Variants in PSG11 observed in about 807,000 individuals in gnomAD.
The protein encoded by PSG11 is pregnancy-specific beta-1-glycoprotein 11.
In PSG11, 42 loss-of-function variants were observed where a neutral mutation model predicts 36.0. The ratio of observed to expected loss-of-function variants is 1.17; its 90% confidence interval spans 0.91 to 1.51. The LOEUF (loss-of-function observed/expected upper bound fraction) is 1.51. Among genes scored for constraint, PSG11 ranks in the 40% most tolerant of loss-of-function variants. The probability of loss-of-function intolerance (pLI) is 0.00; values close to 1 mark genes in which losing one functional copy is unlikely to be tolerated. For synonymous variants in PSG11, 206 were observed against 153.5 expected, an observed-to-expected ratio of 1.34 and a Z score of -2.53; for missense variants, 558 against 403.5, an observed-to-expected ratio of 1.38 and a Z score of -3.28.
chr19:43,018,460 A>C, intron 3 of PSG11: 2 of 542,306 alleles, frequency 3.7e-6, no homozygotes, highest in Non-Finnish European at 6.3e-6. Flanking sequence ...CCTGTGAGCC[A>C]AGTCGCAAGA....
intron 5 of PSG11, among the ~76,000 whole-genome samples, chr19:43,009,436 T>C (rs983059441): frequency 2.6e-5 from 4 of 151,272 alleles, no homozygotes; most frequent in Non-Finnish European, 5.9e-5. Flanking sequence ...GGAATTATAC[T>C]AGGAAGTAGA....
chr19:43,021,611 G>C (rs1167968614), intron 2 of PSG11, among the ~76,000 whole-genome samples: 1 of 151,410 alleles, frequency 6.6e-6, no homozygotes, highest in African/African-American at 2.4e-5. Context: ...CTCCCAAAGT[G>C]CTGCGATTAT....
At chr19:43,012,215 A>T (rs118158115) in intron 4 of PSG11, among the ~76,000 whole-genome samples, 4,171 of 151,526 alleles carry the variant, frequency 0.028, 157 homozygotes, top group Non-Finnish European at 0.04. Context: ...AAAGACTGAA[A>T]GCTTCCCCTC....
intron 2 of PSG11, chr19:43,019,341 T>G (rs1247898440): frequency 4.1e-6 from 2 of 484,916 alleles, no homozygotes; most frequent in Non-Finnish European, 6.7e-6. Flanking sequence ...CCTCTCTGAG[T>G]CCCTCCATCT....
At chr19:43,012,040 A>G (rs1974090315) in intron 4 of PSG11, among the ~76,000 whole-genome samples, 1 of 151,496 alleles carries the variant, frequency 6.6e-6, no homozygotes, top group Non-Finnish European at 1.5e-5. Context: ...AGAAACACAC[A>G]AAAATATGAA....
In PSG11 at chr19:43,015,277, G is replaced by A. The variant is rs765772668; in HGVS notation, c.803C>T (p.Pro268Leu). 2.5e-6 allele frequency: 4 copies of A among 1,611,312 alleles called. No individual in the cohort carries two copies. In the African/African-American group the frequency reaches 5.4e-5, roughly 22 times the overall value. Residue 268 changes from proline to leucine, a missense_variant, in exon 4 of 6, where the codon CCA becomes CTA. Pro to Leu is a moderately conservative substitution (Grantham distance 98). Transcript: ENST00000320078. ...DLSCFANSNP[P>L]AQYSWTINGK... Reference sequence around the variant, plus strand: ...ATTAATTGTCCAAGAATACTGTGCTGGTGGGTTAGAGTTTGCGAAGCAGGA... The same window carrying A: ...ATTAATTGTCCAAGAATACTGTGCTAGTGGGTTAGAGTTTGCGAAGCAGGA...
chr19:43,013,112 AC>A (rs1193737069), intron 4 of PSG11, among the ~76,000 whole-genome samples: 10 of 151,386 alleles, frequency 6.6e-5, no homozygotes, highest in African/African-American at 2.4e-4. Flanking sequence ...AACACCATGT[AC>A]AAAAATTAAC....
In PSG11 at chr19:43,010,050, G is replaced by GAAAGA. The variant is rs756750117; in HGVS notation, c.965-14_965-10dup. 4.4e-6 allele frequency: 7 copies of GAAAGA among 1,607,790 alleles called. No homozygotes were observed. The highest frequency in any genetic ancestry group is 6.0e-6 in the Non-Finnish European group (7 of 1,175,548). ...TCCTAATCCTGGAGGAGCTGTCATGGAAAGAAAAGAAAAGAAGGAATGAAG... is the reference window on the plus strand; with the variant it reads ...TCCTAATCCTGGAGGAGCTGTCATGGAAAGAAAAGAAAAGAAAAGAAGGAATGAAG... On this transcript the variant is annotated splice_polypyrimidine_tract_variant and intron_variant, in intron 4 of 5. Coordinates refer to ENST00000320078, the MANE Select transcript of PSG11 (RefSeq NM_002785.3).
Position 43,018,821 on chromosome 19 carries a change from A to G in PSG11, c.658T>C (p.Trp220Arg), listed in dbSNP as rs575017081. The stretch of plus-strand genomic sequence containing the variant: ...CTGCGGCTGGCACTCCCTGAGTTCC[A>G]TATTTCACATTCATAGGGTCCTGCA... ...YTAGPYECEI[W>R]NSGSASRSDP... The change falls in exon 3 of 6, where the codon TGG (tryptophan) becomes CGG (arginine). Residue 220 changes from tryptophan to arginine, a missense_variant. Coordinates refer to ENST00000320078, the MANE Select transcript of PSG11 (RefSeq NM_002785.3). The G allele has an allele frequency of 3.2e-5, 52 of 1,612,038 alleles. 2 individuals are homozygous for G. Among genetic ancestry groups the G allele is most frequent in the Admixed American group, 1.0e-4 (6 of 59,864 alleles).
At chr19:43,012,303 A>G (rs1974097705) in intron 4 of PSG11, among the ~76,000 whole-genome samples, 2 of 151,456 alleles carry the variant, frequency 1.3e-5, no homozygotes, top group Non-Finnish European at 2.9e-5. Flanking sequence ...AGTCAAAAAA[A>G]TTAGGCAAGA....
At chr19:43,009,375 T>C (rs1203770844) in intron 5 of PSG11, among the ~76,000 whole-genome samples, 1 of 151,304 alleles carries the variant, frequency 6.6e-6, no homozygotes, top group Non-Finnish European at 1.5e-5. Flanking sequence ...TTTATGTCTA[T>C]ATGGGTGAAG....
chr19:43,024,419 G>C, intron 2 of PSG11: 2 of 566,302 alleles, frequency 3.5e-6, no homozygotes, highest in Non-Finnish European at 6.2e-6. Context: ...GGCATGAGGT[G>C]CTTGGCTGAG....
chr19:43,023,291 T>C (rs1329872137), intron 2 of PSG11, among the ~76,000 whole-genome samples: 4 of 150,768 alleles, frequency 2.7e-5, no homozygotes, highest in South Asian at 2.1e-4. Flanking sequence ...TTTGGATCAT[T>C]CATTTCTTCA....
At chr19:43,020,108 T>C (rs572994212) in intron 2 of PSG11, among the ~76,000 whole-genome samples, 23 of 151,286 alleles carry the variant, frequency 1.5e-4, no homozygotes, top group East Asian at 9.7e-4. Flanking sequence ...GGGAATTGGG[T>C]GTTGTTCCGT....
chr19:43,015,644 T>G (rs559606651), intron 3 of PSG11: 68 of 1,514,326 alleles, frequency 4.5e-5, no homozygotes, highest in Non-Finnish European at 5.7e-5. Flanking sequence ...CAGGGAGTCA[T>G]GGCCACCTCG....
intron 3 of PSG11, 138 bp downstream of exon 3, chr19:43,018,632 G>A (rs1232106976): frequency 4.6e-5 from 72 of 1,576,690 alleles, no homozygotes; most frequent in Non-Finnish European, 6.0e-5. Context: ...TTTGTCTGGG[G>A]CAGAAAGTCA....
At chr19:43,012,319 A>T (rs189835589) in intron 4 of PSG11, among the ~76,000 whole-genome samples, 9,117 of 151,466 alleles carry the variant, frequency 0.06, 530 homozygotes, top group South Asian at 0.11. Context: ...CAAGAATTTT[A>T]AAAAAGACAT....
intron 1 of PSG11, among the ~76,000 whole-genome samples, chr19:43,025,916 CTTTTTTTTTTTTTTTTTCTCTTTTTT>C (rs1188314352): frequency 2.1e-4 from 13 of 61,998 alleles, no homozygotes; most frequent in South Asian, 1.5e-3. Flanking sequence ...GCCTTCTTTC[CTTTTTTTTTTTTTTTTTCTCTTTTTT>C]TTTTTTTTTT....
intron 4 of PSG11, chr19:43,014,603 G>C: frequency 9.7e-7 from 1 of 1,034,098 alleles, no homozygotes; most frequent in Non-Finnish European, 1.2e-6. Flanking sequence ...CAGGTTGAGT[G>C]AGGCAGGGCC....
Sources: allele counts gnomAD v4.1 joint callset (sites outside exome capture counted in the v4.1 genomes callset), GRCh38; gene constraint gnomAD v4.1.1; transcripts MANE v1.5; gene names NCBI Gene and HGNC (gene_info 2026-07-23, HGNC 2026-07-21).